Variants in PLEKHM2 observed in about 807,000 individuals in gnomAD.
PLEKHM2 encodes the protein pleckstrin homology domain-containing family M member 2.
Under a neutral mutation model 116.3 loss-of-function variants are expected in PLEKHM2, and 77 were observed. The ratio of observed to expected loss-of-function variants is 0.66; its 90% confidence interval spans 0.55 to 0.80. The LOEUF (loss-of-function observed/expected upper bound fraction) is 0.80, where lower values mean the gene tolerates loss of function less well. Ranked by LOEUF, PLEKHM2 falls within the 30% of genes least tolerant of loss-of-function variation. The pLI is 0.00. For missense variants in PLEKHM2, 1,183 were observed against 1,354.9 expected (o/e 0.87, Z 1.99); for synonymous variants, 562 against 571.0 (o/e 0.98, Z 0.22).
At chr1:15,716,878 G>C in intron 3 of PLEKHM2, 62 bp downstream of exon 3, 2 of 1,542,738 alleles carry the variant, frequency 1.3e-6, no homozygotes, top group Non-Finnish European at 8.7e-7. Context: ...GGTAGCTTGG[G>C]GCTCTGTCCC....
chr1:15,711,335 G>A (rs1641326239), intron 1 of PLEKHM2, among the ~76,000 whole-genome samples: 1 of 151,884 alleles, frequency 6.6e-6, no homozygotes, highest in African/African-American at 2.4e-5. Flanking sequence ...CACTTTTGTG[G>A]CCAACCGTGG....
intron 6 of PLEKHM2, 87 bp downstream of exon 6, chr1:15,720,007 G>T: frequency 1.7e-6 from 2 of 1,155,144 alleles, no homozygotes; most frequent in East Asian, 2.6e-5. Flanking sequence ...GTCTTCCTTG[G>T]CTAGTTTTGG....
At chr1:15,694,672 C>G (rs1640955837) in intron 1 of PLEKHM2, among the ~76,000 whole-genome samples, 1 of 152,136 alleles carries the variant, frequency 6.6e-6, no homozygotes, top group African/African-American at 2.4e-5. Flanking sequence ...CATCCAGGGT[C>G]CTGAGAGCTT....
At chr1:15,716,493 T>G in intron 2 of PLEKHM2, 150 bp downstream of exon 2, 2 of 675,820 alleles carry the variant, frequency 3.0e-6, no homozygotes, top group Non-Finnish European at 5.1e-6. Flanking sequence ...ACAGTCTCTC[T>G]GTAGTTACCC....
Position 15,728,116 on chromosome 1 carries a change from G to A in PLEKHM2, c.1798G>A (p.Val600Met), listed in dbSNP as rs1281423363. The part of the protein sequence containing the change: ...NNHLLLLMIH[V>M]FRENEEQLFK... ...TCACCTGCTCCTGCTCATGATCCAC[G>A]TGTTCCGAGAAAACGAAGAGCAGCT... Residue 600 changes from valine to methionine, a missense_variant, in exon 10 of 20, where the codon GTG (valine) becomes ATG (methionine). This residue lies in a region of PLEKHM2 where 594 missense variants were observed against 720.1 expected (regional missense o/e 0.82). Coordinates refer to ENST00000375799, the MANE Select transcript of PLEKHM2 (RefSeq NM_015164.4). The surrounding 1 kb of genome is among the most constrained non-coding windows in gnomAD (Gnocchi z 5.9). 1.2e-6 allele frequency: 2 copies of A among 1,611,516 alleles called. No homozygotes were observed. Among genetic ancestry groups the A allele is most frequent in the Admixed American group, 1.7e-5 (1 of 59,650 alleles).
intron 1 of PLEKHM2, among the ~76,000 whole-genome samples, chr1:15,695,055 G>A (rs1376768283): frequency 6.6e-6 from 1 of 152,186 alleles, no homozygotes; most frequent in African/African-American, 2.4e-5. Context: ...ACCGCACCTG[G>A]CCTCATGCTG....
Position 15,727,466 on chromosome 1 carries a change from A to G in PLEKHM2, c.1394A>G (p.Tyr465Cys). 4 of 1,602,678 alleles carry G rather than the reference A, an allele frequency of 2.5e-6. No individual in the cohort carries two copies. The highest frequency in any genetic ancestry group is 3.4e-6 in the Non-Finnish European group (4 of 1,175,332). ...SEGLSAPMDFYRFTVESPSTV... is the reference protein window; with the variant it reads ...SEGLSAPMDFCRFTVESPSTV... ...GGGCTTTCAGCCCCAATGGACTTCTACCGCTTTACCGTCGAGAGTCCAAGC... is the reference window on the plus strand; with the variant it reads ...GGGCTTTCAGCCCCAATGGACTTCTGCCGCTTTACCGTCGAGAGTCCAAGC... Residue 465 changes from tyrosine to cysteine, a missense_variant, in exon 9 of 20, where the codon TAC (tyrosine) becomes TGC (cysteine). Transcript: ENST00000375799. The surrounding 1 kb of genome is among the most constrained non-coding windows in gnomAD (Gnocchi z 7.5).
In PLEKHM2 at chr1:15,727,650, G is replaced by A. The variant is rs965717306; in HGVS notation, c.1578G>A (p.Glu526=). The change falls in exon 9 of 20, where the codon GAG becomes GAA. Residue 526 remains glutamate, a synonymous_variant. Coordinates refer to ENST00000375799, the MANE Select transcript of PLEKHM2 (RefSeq NM_015164.4). This position sits in a 1 kb window ranked among gnomAD's most constrained non-coding sequence, Gnocchi z 7.5. Reference sequence around the variant, plus strand: ...AGGATACCACGAGGGAGGCTCAGGAGCTGGAGGCCCAGCTGTCCCTGGTCA... The same window carrying A: ...AGGATACCACGAGGGAGGCTCAGGAACTGGAGGCCCAGCTGTCCCTGGTCA... ...PLEDTTREAQ[E]LEAQLSLVRE... is the part of the protein sequence containing the mutation. 2 of 1,594,012 alleles carry A rather than the reference G, an allele frequency of 1.3e-6. No homozygotes were observed.
intron 1 of PLEKHM2, among the ~76,000 whole-genome samples, chr1:15,693,052 T>G (rs765098562): frequency 1.4e-3 from 203 of 142,094 alleles, no homozygotes; most frequent in Non-Finnish European, 2.6e-3. Flanking sequence ...CTTTTTTTTT[T>G]TTTTTTGAGA....
chr1:15,726,647 G>A (rs913758133), intron 8 of PLEKHM2, among the ~76,000 whole-genome samples: 6 of 152,210 alleles, frequency 3.9e-5, no homozygotes, highest in South Asian at 2.1e-4. Flanking sequence ...ACATCCGAAG[G>A]GGGGCTGAGT....
At chr1:15,703,581 A>G (rs1356572830) in intron 1 of PLEKHM2, among the ~76,000 whole-genome samples, 1 of 152,122 alleles carries the variant, frequency 6.6e-6, no homozygotes, top group East Asian at 1.9e-4. Flanking sequence ...GCCACCTTTG[A>G]GTTAATTATT....
chr1:15,688,520 C>T (rs1216121304), intron 1 of PLEKHM2, among the ~76,000 whole-genome samples: 7 of 151,832 alleles, frequency 4.6e-5, no homozygotes, highest in Admixed American at 1.3e-4. Context: ...GGTGTGGTGG[C>T]GCGTGCCTGT....
chr1:15,689,382 G>A (rs1157703164), intron 1 of PLEKHM2, among the ~76,000 whole-genome samples: 1 of 152,162 alleles, frequency 6.6e-6, no homozygotes, highest in Non-Finnish European at 1.5e-5. Context: ...GAGGACAGGC[G>A]TGACCTGTCT....
At chr1:15,713,077 A>G (rs1436614471) in intron 1 of PLEKHM2, among the ~76,000 whole-genome samples, 1 of 152,182 alleles carries the variant, frequency 6.6e-6, no homozygotes, top group Non-Finnish European at 1.5e-5. Context: ...CTGGGATTAT[A>G]GGTGTGAGCC....
chr1:15,691,513 C>T (rs1261891730), intron 1 of PLEKHM2, among the ~76,000 whole-genome samples: 1 of 152,214 alleles, frequency 6.6e-6, no homozygotes, highest in Non-Finnish European at 1.5e-5. Context: ...CTCTCAGTTC[C>T]TGGGTCCTGA....
intron 17 of PLEKHM2, 26 bp downstream of exon 17, chr1:15,732,074 C>G (rs2068152423): frequency 6.2e-7 from 1 of 1,601,564 alleles, no homozygotes; most frequent in Non-Finnish European, 8.5e-7. Flanking sequence ...CCCTACCGCT[C>G]ACCTGGCTTG....
chr1:15,695,144 A>C (rs1476870813), intron 1 of PLEKHM2, among the ~76,000 whole-genome samples: 1 of 152,214 alleles, frequency 6.6e-6, no homozygotes, highest in Non-Finnish European at 1.5e-5. Flanking sequence ...AGAAGGTATT[A>C]GTTTCTTATA....
At position 15,702,737 on chromosome 1, in the gene PLEKHM2, T is replaced by C. The variant is rs575674926; in HGVS notation, c.61-13500T>C. Among the ~76,000 whole-genome samples the C allele has an allele frequency of 5.4e-3, 657 of 120,710 alleles. 11 individuals carry two copies. The highest frequency in any genetic ancestry group is 0.024 in the African/African-American group (611 of 25,476). The allele number at this position is 120,710 out of a possible 152,430, so 79.2% of individuals were successfully genotyped here. A position where few individuals can be genotyped will look rare whatever the true frequency, so the allele number is the denominator to read the frequency against. ...CCAGCCTTTTTTTTTTTTTTTTTTT[T>C]CGAGGCAGGGTCTCACTCTGTTGCC... On this transcript the variant is annotated intron_variant, in intron 1 of 19. Transcript: ENST00000375799.
chr1:15,699,773 A>C (rs1641073270), intron 1 of PLEKHM2, among the ~76,000 whole-genome samples: 1 of 151,950 alleles, frequency 6.6e-6, no homozygotes, highest in South Asian at 2.1e-4. Context: ...TGGCCTGGGC[A>C]ATATAGTGAG....
Sources: gnomAD v4.1 joint callset for allele counts (sites outside exome capture counted in the v4.1 genomes callset) on GRCh38, gnomAD v4.1.1 for gene constraint, gnomAD v4.1.1 regional missense constraint, Gnocchi (gnomAD v3.1) non-coding constraint, MANE v1.5 for transcripts, NCBI Gene and HGNC (gene_info 2026-07-23, HGNC 2026-07-21) for gene names.